SMCHD1: variants seen among roughly 807,000 people sequenced by gnomAD.
SMCHD1 encodes structural maintenance of chromosomes flexible hinge domain-containing protein 1.
Under a neutral mutation model 254.7 loss-of-function variants are expected in SMCHD1, and 78 were observed. That is an observed-to-expected ratio of 0.31 (90% confidence interval 0.26 to 0.37). SMCHD1 has a LOEUF of 0.37. Among genes scored for constraint, SMCHD1 ranks in the 10% least tolerant of loss-of-function variants. The pLI, the probability that SMCHD1 is intolerant of heterozygous loss-of-function variation, is 1.00. For synonymous variants in SMCHD1, 766 were observed against 794.9 expected, an observed-to-expected ratio of 0.96 and a Z score of 0.61; for missense variants, 1,840 against 2,408.1, an observed-to-expected ratio of 0.76 and a Z score of 4.94.
Position 2,803,665 on chromosome 18 carries a change from G to T in SMCHD1, c.*1113G>T, listed in dbSNP as rs994431621. The T allele has an allele frequency of 2.1e-5, 3 of 141,816 alleles. No individual in the cohort carries two copies. The highest frequency in any genetic ancestry group is 7.8e-5 in the African/African-American group (3 of 38,348). 8.8% of individuals were successfully genotyped at this position (141,816 alleles called of 1,614,324 possible). On this transcript the variant is annotated 3_prime_UTR_variant, in exon 48 of 48. Transcript: ENST00000320876. The stretch of plus-strand genomic sequence containing the variant: ...TTGGAAGCTTCATAAAAGTTATCTT[G>T]TTAAAAAACGATGATGATGTTAACC...
chr18:2,743,314 A>G (rs2143565709), intron 28 of SMCHD1, among the ~76,000 whole-genome samples: 1 of 152,310 alleles, frequency 6.6e-6, no homozygotes, highest in South Asian at 2.1e-4. Flanking sequence ...AGAAAAATGA[A>G]GTAAAGAAGG....
intron 5 of SMCHD1, among the ~76,000 whole-genome samples, chr18:2,685,000 G>A (rs1286580512): frequency 6.7e-6 from 1 of 149,890 alleles, no homozygotes; most frequent in Non-Finnish European, 1.5e-5. Flanking sequence ...TCTCCTTAAT[G>A]TAAAAAGGCT....
At position 2,804,840 on chromosome 18, in the gene SMCHD1, G is replaced by GA. The variant is rs1163223346; in HGVS notation, c.*2295dup. ...TTTAGTATAAAGGAATGTAACTGGAGAAAAAAATTAATGCTACAGCCATTT... is the reference window on the plus strand; with the variant it reads ...TTTAGTATAAAGGAATGTAACTGGAGAAAAAAAATTAATGCTACAGCCATTT... On this transcript the variant is annotated 3_prime_UTR_variant, in exon 48 of 48. Coordinates refer to ENST00000320876, the MANE Select transcript of SMCHD1 (RefSeq NM_015295.3). 1 of 152,108 alleles carries GA rather than the reference G, an allele frequency of 6.6e-6. No homozygotes were observed. Among genetic ancestry groups the GA allele is most frequent in the African/African-American group, 2.4e-5 (1 of 41,432 alleles). The allele number at this position is 152,108 out of a possible 1,614,324, so 9.4% of individuals were successfully genotyped here.
chr18:2,738,106 C>T (rs1449283389), intron 25 of SMCHD1, among the ~76,000 whole-genome samples: 1 of 152,040 alleles, frequency 6.6e-6, no homozygotes, highest in Non-Finnish European at 1.5e-5. Flanking sequence ...TTATATGTTA[C>T]TTTTAAACGA....
At chr18:2,800,952 T>G (rs2076351188) in intron 47 of SMCHD1, 1 of 152,198 alleles carries the variant, frequency 6.6e-6, no homozygotes, top group East Asian at 1.9e-4. Context: ...AATTACTATG[T>G]AGCAGAAAGG....
chr18:2,686,119 T>TACAAAC (rs2074046067), intron 5 of SMCHD1, among the ~76,000 whole-genome samples: 1 of 152,208 alleles, frequency 6.6e-6, no homozygotes, highest in Non-Finnish European at 1.5e-5. Context: ...TCTGATAGGC[T>TACAAAC]CTCTCTCTTC....
intron 1 of SMCHD1, among the ~76,000 whole-genome samples, chr18:2,660,954 T>G (rs2073233127): frequency 6.6e-6 from 1 of 152,088 alleles, no homozygotes; most frequent in Admixed American, 6.5e-5. Context: ...ATCAACTGGA[T>G]AAAGATAATG....
At chr18:2,796,803 A>C (rs1598461242) in intron 47 of SMCHD1, 1 of 323,312 alleles carries the variant, frequency 3.1e-6, no homozygotes, top group East Asian at 8.6e-5. Context: ...GGCTAATCTC[A>C]AACTCCTGAC....
In SMCHD1 at chr18:2,771,434, A is replaced by G; in HGVS notation, c.4967-99A>G. On this transcript the variant is annotated intron_variant, in intron 39 of 47. Coordinates refer to ENST00000320876, the MANE Select transcript of SMCHD1 (RefSeq NM_015295.3). ...ATCAGTTTTCATTTTAGCAACAGAC[A>G]TTAAAAGGAAAAAACAAAAGGAACT... 3.4e-6 allele frequency: 3 copies of G among 869,962 alleles called. No homozygotes were observed. The South Asian group carries it at 5.4e-5, about 16-fold the overall frequency. The allele number at this position is 869,962 out of a possible 1,614,324, so 53.9% of individuals were successfully genotyped here.
intron 44 of SMCHD1, among the ~76,000 whole-genome samples, chr18:2,783,042 C>T (rs2076182425): frequency 6.6e-6 from 1 of 152,058 alleles, no homozygotes. Context: ...AATTCAGAGA[C>T]TATTTAGCCC....
At chr18:2,679,141 C>T (rs111435668) in intron 5 of SMCHD1, among the ~76,000 whole-genome samples, 3,341 of 149,494 alleles carry the variant, frequency 0.022, 47 homozygotes, top group Non-Finnish European at 0.03. Context: ...CCACCGCACC[C>T]GGCCCCTTTC....
At chr18:2,705,251 A>G (rs1036289058) in intron 13 of SMCHD1, among the ~76,000 whole-genome samples, 2 of 152,228 alleles carry the variant, frequency 1.3e-5, no homozygotes, top group Non-Finnish European at 2.9e-5. Context: ...TTTCCCTTAG[A>G]TTTTTTAAAC....
At chr18:2,757,581 C>T (rs568250569) in intron 34 of SMCHD1, among the ~76,000 whole-genome samples, 1 of 152,156 alleles carries the variant, frequency 6.6e-6, no homozygotes, top group South Asian at 2.1e-4. Flanking sequence ...CAGATGTTTA[C>T]TGAATTGTGA....
In SMCHD1 at chr18:2,760,542, A is replaced by G. The variant is rs946983530; in HGVS notation, c.4347-110A>G. The G allele has an allele frequency of 2.7e-5, 19 of 691,132 alleles. No homozygotes were observed. In the Admixed American group the frequency reaches 3.2e-4, roughly 11 times the overall value. The allele number at this position is 691,132 out of a possible 1,614,324, so 42.8% of individuals were successfully genotyped here. ...AGGTCAATATACTATTAGTAGTTCT[A>G]TTCTTCCTACTCATTTATTTTTGTG... On this transcript the variant is annotated intron_variant, in intron 34 of 47. Coordinates refer to ENST00000320876, the MANE Select transcript of SMCHD1 (RefSeq NM_015295.3).
At chr18:2,767,773 T>G (rs1291851048) in intron 37 of SMCHD1, among the ~76,000 whole-genome samples, 1 of 151,652 alleles carries the variant, frequency 6.6e-6, no homozygotes, top group Non-Finnish European at 1.5e-5. Flanking sequence ...GTTTTTTCAG[T>G]AGAGACAGGG....
In SMCHD1 at chr18:2,672,736, A is replaced by G. The variant is rs564081018; in HGVS notation, c.425-545A>G. On this transcript the variant is annotated intron_variant, in intron 3 of 47. Coordinates refer to ENST00000320876, the MANE Select transcript of SMCHD1 (RefSeq NM_015295.3). ...GTTGGTGGTGTGGTAGTGAATCTAT[A>G]GCAGTTCTGTGTCAGTTGAACAGAT... is the stretch of plus-strand genomic sequence containing the variant. 3.3e-5 allele frequency among the ~76,000 whole-genome samples: 5 copies of G among 152,372 alleles called. 1 individual carries two copies. The East Asian group carries it at 9.6e-4, about 29-fold the overall frequency.
At chr18:2,704,088 C>T (rs1428933075) in intron 13 of SMCHD1, among the ~76,000 whole-genome samples, 1 of 151,988 alleles carries the variant, frequency 6.6e-6, no homozygotes, top group Non-Finnish European at 1.5e-5. Flanking sequence ...GGAAATTTAA[C>T]TTATTTTTAG....
chr18:2,798,565 C>T (rs1370147388), intron 47 of SMCHD1, among the ~76,000 whole-genome samples: 1 of 152,138 alleles, frequency 6.6e-6, no homozygotes, highest in Non-Finnish European at 1.5e-5. Flanking sequence ...CAAATAGTTA[C>T]AGAAAGTTCT....
At chr18:2,712,207 T>A (rs2074693610) in intron 17 of SMCHD1, among the ~76,000 whole-genome samples, 1 of 150,610 alleles carries the variant, frequency 6.6e-6, no homozygotes, top group Admixed American at 6.6e-5. Flanking sequence ...TCATAAGGGA[T>A]TTTGGTCTGT....
Sources: gnomAD v4.1 joint callset for allele counts (sites outside exome capture counted in the v4.1 genomes callset) on GRCh38, gnomAD v4.1.1 for gene constraint, MANE v1.5 for transcripts, NCBI Gene and HGNC (gene_info 2026-07-23, HGNC 2026-07-21) for gene names.